The following CSMD1 variants were observed in gnomAD, a reference collection of about 807,000 sequenced individuals.
CSMD1 encodes CUB and Sushi multiple domains 1.
CSMD1 carries 213 observed loss-of-function variants against 417.5 expected under a neutral mutation model. That is an observed-to-expected ratio of 0.51 (90% CI 0.46 to 0.57). The LOEUF (loss-of-function observed/expected upper bound fraction) is 0.57. CSMD1 is among the 20% of genes least tolerant of loss of function. The probability of loss-of-function intolerance (pLI) is 0.00; values close to 1 mark genes in which losing one functional copy is unlikely to be tolerated. For missense variants in CSMD1, 6,923 were observed against 4,529.7 expected (o/e 1.53, Z -15.17); for synonymous variants, 2,862 against 1,736.8 (o/e 1.65, Z -16.11).
chr8:2,998,549 T>C (rs1418023650), intron 53 of CSMD1, among the ~76,000 whole-genome samples: 3 of 152,212 alleles, frequency 2.0e-5, no homozygotes, highest in African/African-American at 7.2e-5. Context: ...TTTGAACATT[T>C]TCTCCATACA....
At chr8:3,495,131 T>G (rs766459679) in intron 10 of CSMD1, among the ~76,000 whole-genome samples, 1 of 152,368 alleles carries the variant, frequency 6.6e-6, no homozygotes, top group South Asian at 2.1e-4. Context: ...TTGAAATAGG[T>G]GTCGAGGTTG....
At chr8:3,279,567 G>C (rs779744709) in intron 26 of CSMD1, among the ~76,000 whole-genome samples, 1 of 152,110 alleles carries the variant, frequency 6.6e-6, no homozygotes, top group African/African-American at 2.4e-5. Context: ...CTAAGGTTGG[G>C]TTTGGAAATT....
intron 1 of CSMD1, 78 bp from the exon 2 acceptor site, chr8:4,637,636 T>A: frequency 3.7e-6 from 2 of 534,798 alleles, no homozygotes; most frequent in Non-Finnish European, 6.3e-6. Context: ...TTCTAAACAC[T>A]TTAGCCAATT....
intron 7 of CSMD1, among the ~76,000 whole-genome samples, chr8:3,620,600 C>T (rs1802376192): frequency 6.6e-6 from 1 of 151,934 alleles, no homozygotes; most frequent in African/African-American, 2.4e-5. Flanking sequence ...AAGATACTGC[C>T]ATCATTGTAG....
rs575147821 is a variant in CSMD1 at position 3,649,386 on chromosome 8, G to C, written c.1010-32589C>G. 5.6e-4 allele frequency among the ~76,000 whole-genome samples: 85 copies of C among 152,256 alleles called. 3 individuals carry two copies. In the South Asian group the frequency reaches 0.016, roughly 29 times the overall value. On this transcript the variant is annotated intron_variant, in intron 7 of 69. Transcript: ENST00000635120. The stretch of plus-strand genomic sequence containing the variant: ...TTTACACTGATATTAAAATTCATCT[G>C]TATTAGTTCGTTTTCACACTGCTAT...
At chr8:3,891,838 G>C (rs187892172) in intron 5 of CSMD1, among the ~76,000 whole-genome samples, 4 of 152,132 alleles carry the variant, frequency 2.6e-5, no homozygotes, top group African/African-American at 2.4e-5. Context: ...ATCTGTAATG[G>C]TAATCCATTA....
chr8:3,117,433 T>C (rs906503393), intron 42 of CSMD1, among the ~76,000 whole-genome samples: 3 of 152,230 alleles, frequency 2.0e-5, no homozygotes, highest in African/African-American at 7.2e-5. Flanking sequence ...ACTTCTTCAG[T>C]AGAAATTAAA....
chr8:3,998,868 T>G (rs1290970126), intron 4 of CSMD1, among the ~76,000 whole-genome samples: 1 of 150,026 alleles, frequency 6.7e-6, no homozygotes, highest in Non-Finnish European at 1.5e-5. Context: ...AAACTATATA[T>G]AGTTGATATA....
chr8:3,889,569 G>C (rs532017359), intron 5 of CSMD1, among the ~76,000 whole-genome samples: 3 of 145,172 alleles, frequency 2.1e-5, no homozygotes, highest in Non-Finnish European at 4.5e-5. Flanking sequence ...CTGTGTGTGT[G>C]TATGTGTATG....
intron 5 of CSMD1, among the ~76,000 whole-genome samples, chr8:3,962,087 G>C (rs1266400833): frequency 1.3e-5 from 2 of 152,162 alleles, no homozygotes; most frequent in African/African-American, 2.4e-5. Flanking sequence ...GATAACTTGA[G>C]CTTGGACTCA....
chr8:4,446,717 TTGTGTGTGTGTGTGTC>T lies in CSMD1; in HGVS notation c.303-26668_303-26653del, dbSNP rs1267320294. ...ACTCGTGCCCACCACCATGCCTGAG[TTGTGTGTGTGTGTGTC>T]TGTGTGTGTGTGTGTGTGTGTCTGT... On this transcript the variant is annotated intron_variant, in intron 2 of 69. Coordinates refer to ENST00000635120, the MANE Select transcript of CSMD1 (RefSeq NM_033225.6). Among the ~76,000 whole-genome samples, 32 of 144,556 alleles carry T rather than the reference TTGTGTGTGTGTGTGTC, an allele frequency of 2.2e-4. No individual in the cohort carries two copies. The East Asian group carries it at 5.6e-3, about 25-fold the overall frequency. The allele number at this position is 144,556 out of a possible 152,430, so 94.8% of individuals were successfully genotyped here.
chr8:3,294,844 C>T (rs1257002476), intron 25 of CSMD1, among the ~76,000 whole-genome samples: 1 of 152,046 alleles, frequency 6.6e-6, no homozygotes, highest in Non-Finnish European at 1.5e-5. Flanking sequence ...CACCCACTTT[C>T]CGACACTCCC....
chr8:3,557,873 G>A (rs1799225244), intron 10 of CSMD1, among the ~76,000 whole-genome samples: 1 of 152,142 alleles, frequency 6.6e-6, no homozygotes, highest in Non-Finnish European at 1.5e-5. Context: ...AATGCCATTG[G>A]TTCAGCATTT....
At chr8:3,239,293 A>G (rs1799347080) in intron 26 of CSMD1, among the ~76,000 whole-genome samples, 1 of 152,198 alleles carries the variant, frequency 6.6e-6, no homozygotes, top group Admixed American at 6.5e-5. Flanking sequence ...CCGGTCTGCT[A>G]TTGGACTGTA....
At chr8:4,552,630 A>G (rs1797923090) in intron 2 of CSMD1, among the ~76,000 whole-genome samples, 1 of 152,160 alleles carries the variant, frequency 6.6e-6, no homozygotes, top group Non-Finnish European at 1.5e-5. Flanking sequence ...GGGGAAAAAA[A>G]AAATGAAAGC....
In CSMD1 at chr8:4,360,768, A is replaced by G. The variant is rs552163541; in HGVS notation, c.415+59185T>C. Among the ~76,000 whole-genome samples, 111 of 151,732 alleles carry G rather than the reference A, an allele frequency of 7.3e-4. 1 individual carries two copies. Among genetic ancestry groups the G allele is most frequent in the African/African-American group, 2.5e-3 (105 of 41,506 alleles). The stretch of plus-strand genomic sequence containing the variant: ...CTCGGCCTCCAAAAGTGCTGGGACT[A>G]CAGGTGTGAGCCACTGCACCCGGCC... On this transcript the variant is annotated intron_variant, in intron 3 of 69. Coordinates refer to ENST00000635120, the MANE Select transcript of CSMD1 (RefSeq NM_033225.6).
In CSMD1 at chr8:3,409,437, T is replaced by C; in HGVS notation, c.1730A>G (p.Lys577Arg). Residue 577 changes from lysine (K) to arginine (R), a missense_variant, in exon 13 of 70, where the codon AAG (lysine) becomes AGG (arginine). Transcript: ENST00000635120. ...CQQNNQWSGN[K>R]PSCVFSCFFN... ...ATAATACTCACATACACAGCTGGGC[T>C]TGTTGCCAGACCACTGATTGTTCTG... The C allele has an allele frequency of 6.2e-7, 1 of 1,610,452 alleles. No homozygotes were observed. The highest frequency in any genetic ancestry group is 8.5e-7 in the Non-Finnish European group (1 of 1,178,418).
chr8:3,234,646 C>G (rs772185412), intron 26 of CSMD1, among the ~76,000 whole-genome samples: 4 of 152,166 alleles, frequency 2.6e-5, no homozygotes, highest in African/African-American at 9.7e-5. Context: ...GCATATTACT[C>G]CAAGAGAAGC....
intron 33 of CSMD1, among the ~76,000 whole-genome samples, chr8:3,193,563 G>C (rs762359965): frequency 7.3e-4 from 111 of 152,182 alleles, no homozygotes; most frequent in Non-Finnish European, 5.3e-4. Flanking sequence ...CGGCATCCGA[G>C]AGAAAAATTC....
Sources: allele counts gnomAD v4.1 joint callset (sites outside exome capture counted in the v4.1 genomes callset), GRCh38; gene constraint gnomAD v4.1.1; transcripts MANE v1.5; gene names NCBI Gene and HGNC (gene_info 2026-07-23, HGNC 2026-07-21).